GRM8: variants seen among roughly 807,000 people sequenced by gnomAD.
GRM8 encodes glutamate metabotropic receptor 8.
GRM8 carries 47 observed loss-of-function variants against 87.2 expected under a neutral mutation model. The ratio of observed to expected loss-of-function variants is 0.54; its 90% CI spans 0.43 to 0.69. GRM8 has a LOEUF of 0.69. Among genes scored for constraint, GRM8 ranks in the 30% least tolerant of loss-of-function variants. The pLI is 0.00. For missense variants in GRM8, 1,019 were observed against 1,139.2 expected (o/e 0.89, Z 1.52); for synonymous variants, 396 against 404.5 (o/e 0.98, Z 0.25).
At chr7:126,597,853 C>T (rs1171319227) in intron 8 of GRM8, among the ~76,000 whole-genome samples, 1 of 152,046 alleles carries the variant, frequency 6.6e-6, no homozygotes, top group African/African-American at 2.4e-5. Flanking sequence ...TACATGCACA[C>T]AATATGTAAT....
chr7:126,468,998 T>G (rs1415023897), intron 9 of GRM8, among the ~76,000 whole-genome samples: 1 of 152,154 alleles, frequency 6.6e-6, no homozygotes, highest in Non-Finnish European at 1.5e-5. Flanking sequence ...CACAAACTTC[T>G]ATACAACTTC....
intron 8 of GRM8, among the ~76,000 whole-genome samples, chr7:126,535,870 G>A (rs1815633050): frequency 6.6e-6 from 1 of 152,132 alleles, no homozygotes; most frequent in South Asian, 2.1e-4. Flanking sequence ...GTGTGAAGGA[G>A]CCACCTAGAA....
chr7:127,168,912 G>A (rs999166361), intron 2 of GRM8, among the ~76,000 whole-genome samples: 1 of 151,818 alleles, frequency 6.6e-6, no homozygotes, highest in African/African-American at 2.4e-5. Context: ...TAATGTAGAT[G>A]ACGGGTTGAT....
At chr7:126,888,177 C>A (rs1302367006) in intron 6 of GRM8, among the ~76,000 whole-genome samples, 2 of 152,074 alleles carry the variant, frequency 1.3e-5, no homozygotes, top group Non-Finnish European at 1.5e-5. Flanking sequence ...GGGTGCTGAA[C>A]CCAACACTGG....
At chr7:127,209,323 T>A (rs573827330) in intron 2 of GRM8, among the ~76,000 whole-genome samples, 2 of 152,206 alleles carry the variant, frequency 1.3e-5, no homozygotes, top group African/African-American at 4.8e-5. Flanking sequence ...CCCCACCACC[T>A]TTTGTAAAGT....
At chr7:126,439,237 A>G (rs1318614875) in intron 10 of GRM8, 69 bp from the exon 11 acceptor site, 1 of 901,166 alleles carries the variant, frequency 1.1e-6, no homozygotes, top group Non-Finnish European at 1.9e-6. Flanking sequence ...TATGATTTTA[A>G]AATTCAAGTC....
chr7:126,780,026 A>G (rs73720780), intron 6 of GRM8, among the ~76,000 whole-genome samples: 3,388 of 152,316 alleles, frequency 0.022, 134 homozygotes, highest in African/African-American at 0.077. Context: ...GAACATCACT[A>G]TTTGATATGT....
chr7:126,840,462 A>T (rs752981702), intron 6 of GRM8, among the ~76,000 whole-genome samples: 2 of 152,162 alleles, frequency 1.3e-5, no homozygotes, highest in Non-Finnish European at 2.9e-5. Context: ...TTCATCTTTT[A>T]TTGGAAAAGA....
At chr7:126,994,419 A>G (rs1310667560) in intron 3 of GRM8, among the ~76,000 whole-genome samples, 1 of 152,160 alleles carries the variant, frequency 6.6e-6, no homozygotes, top group Non-Finnish European at 1.5e-5. Context: ...AGTAGCGCAG[A>G]GCACCAAGTG....
At chr7:126,956,050 A>G (rs1808650640) in intron 3 of GRM8, among the ~76,000 whole-genome samples, 2 of 152,194 alleles carry the variant, frequency 1.3e-5, no homozygotes, top group Admixed American at 1.3e-4. Flanking sequence ...AGAAAGCACG[A>G]ATTTGACGTG....
chr7:126,490,073 CAG>C (rs1437788500), intron 9 of GRM8, among the ~76,000 whole-genome samples: 1 of 152,172 alleles, frequency 6.6e-6, no homozygotes, highest in African/African-American at 2.4e-5. Context: ...CTCAAGCTTG[CAG>C]AGAGCAGATG....
intron 3 of GRM8, among the ~76,000 whole-genome samples, chr7:127,051,520 A>G (rs1266450086): frequency 2.0e-5 from 3 of 152,160 alleles, no homozygotes; most frequent in East Asian, 1.9e-4. Context: ...ATCCACCAGC[A>G]GAAAAACTCA....
intron 3 of GRM8, among the ~76,000 whole-genome samples, chr7:126,943,104 AT>A (rs1310224345): frequency 6.6e-6 from 1 of 152,202 alleles, no homozygotes; most frequent in Non-Finnish European, 1.5e-5. Context: ...GAAAAGCAAG[AT>A]TCTAGATTTT....
intron 6 of GRM8, among the ~76,000 whole-genome samples, chr7:126,879,560 G>A (rs1440761955): frequency 1.3e-5 from 2 of 151,920 alleles, no homozygotes; most frequent in African/African-American, 4.8e-5. Flanking sequence ...CTTATTTCCA[G>A]AATTTTCTTA....
chr7:126,622,510 C>T (rs1800283151), intron 7 of GRM8, among the ~76,000 whole-genome samples: 1 of 152,128 alleles, frequency 6.6e-6, no homozygotes, highest in Admixed American at 6.5e-5. Flanking sequence ...CTACCGCCTA[C>T]CTGTATCCAC....
intron 3 of GRM8, among the ~76,000 whole-genome samples, chr7:127,047,188 C>A (rs1414735102): frequency 6.6e-6 from 1 of 152,068 alleles, no homozygotes; most frequent in Admixed American, 6.6e-5. Flanking sequence ...AACATATTAC[C>A]CATGGCTGCT....
At chr7:127,250,005 A>T (rs1208264842) in intron 1 of GRM8, among the ~76,000 whole-genome samples, 1 of 152,208 alleles carries the variant, frequency 6.6e-6, no homozygotes, top group East Asian at 1.9e-4. Context: ...AAGCAAGGTC[A>T]TCTTTATGAT....
intron 8 of GRM8, among the ~76,000 whole-genome samples, chr7:126,607,256 T>C (rs983423554): frequency 8.5e-5 from 13 of 152,344 alleles, no homozygotes; most frequent in Admixed American, 3.3e-4. Context: ...AGTATTGATA[T>C]GTGGCCTTAC....
chr7:127,175,734 C>G (rs1469740657), intron 2 of GRM8, among the ~76,000 whole-genome samples: 1 of 152,138 alleles, frequency 6.6e-6, no homozygotes, highest in Non-Finnish European at 1.5e-5. Context: ...AATTCTATAT[C>G]TAGCAAAATT....
Sources: gnomAD v4.1 joint callset for allele counts (sites outside exome capture counted in the v4.1 genomes callset) on GRCh38, gnomAD v4.1.1 for gene constraint, MANE v1.5 for transcripts, NCBI Gene and HGNC (gene_info 2026-07-23, HGNC 2026-07-21) for gene names.